Variants in UBXN7 observed in about 807,000 individuals in gnomAD.
UBXN7 encodes the protein UBX domain protein 7.
UBXN7 carries 9 observed loss-of-function variants against 58.0 expected under a neutral mutation model. The ratio of observed to expected loss-of-function variants is 0.16; its 90% CI spans 0.09 to 0.27. UBXN7 has a LOEUF of 0.27. Among genes scored for constraint, UBXN7 ranks in the 10% least tolerant of loss-of-function variants. The probability of loss-of-function intolerance (pLI) is 1.00; values close to 1 mark genes in which losing one functional copy is unlikely to be tolerated. For missense variants in UBXN7, 328 were observed against 599.6 expected (o/e 0.55, Z 4.73); for synonymous variants, 208 against 205.0 (o/e 1.01, Z -0.12).
chr3:196,423,437 G>A, intron 1 of UBXN7: 1 of 277,032 alleles, frequency 3.6e-6, no homozygotes, highest in Non-Finnish European at 7.5e-6. Flanking sequence ...CCAGATTGTG[G>A]CCTGGCCACT....
At chr3:196,419,473 A>C (rs1270697082) in intron 1 of UBXN7, among the ~76,000 whole-genome samples, 2 of 152,184 alleles carry the variant, frequency 1.3e-5, no homozygotes, top group Non-Finnish European at 1.5e-5. Flanking sequence ...CAGTGCTAGA[A>C]AGAAGCCCAT....
intron 1 of UBXN7, 187 bp downstream of exon 1, chr3:196,432,139 CG>C (rs769329669): frequency 8.9e-4 from 639 of 720,074 alleles, no homozygotes; most frequent in East Asian, 5.4e-3. Context: ...GTATCGGGAG[CG>C]GGGGGGGGCT....
intron 3 of UBXN7, among the ~76,000 whole-genome samples, chr3:196,402,493 T>C (rs1179721973): frequency 6.6e-6 from 1 of 152,204 alleles, no homozygotes; most frequent in Non-Finnish European, 1.5e-5. Flanking sequence ...TTAATCTGAT[T>C]AAATGTCCCA....
Position 196,369,447 on chromosome 3 carries a change from T to C in UBXN7, c.680A>G (p.Tyr227Cys), listed in dbSNP as rs1159761508. 2 of 1,613,374 alleles carry C rather than the reference T, an allele frequency of 1.2e-6. No individual in the cohort carries two copies. The highest frequency in any genetic ancestry group is 1.3e-5 in the African/African-American group (1 of 74,894). Residue 227 changes from tyrosine (Y) to cysteine (C), a missense_variant, in exon 7 of 11, where the codon TAT becomes TGT. By Grantham distance (194) the Tyr-to-Cys change is radical. Around this residue, in one of 4 missense-constraint regions of UBXN7, gnomAD observed 126 missense variants for 302.6 expected, o/e 0.42. Coordinates refer to ENST00000296328, the MANE Select transcript of UBXN7 (RefSeq NM_015562.2). ...TGTCCGTGGGTCCAATATGGAAACA[T>C]AGGGGAAATCCCCTAACTTATAAAA... Reference protein sequence around the residue: ...IQFYKLGDFPYVSILDPRTGQ... With the variant: ...IQFYKLGDFPCVSILDPRTGQ...
At position 196,350,763 on chromosome 3, in the gene UBXN7, T is replaced by C. The variant is rs1728190761; in HGVS notation, c.*5922A>G. ...CTCTATGTAACAGGAGAAACCGATA[T>C]ATTGGTATGGTATTCTCTGTTGGGT... On this transcript the variant is annotated 3_prime_UTR_variant, in exon 11 of 11. Coordinates refer to ENST00000296328, the MANE Select transcript of UBXN7 (RefSeq NM_015562.2). 1 of 152,154 alleles carries C rather than the reference T, an allele frequency of 6.6e-6. No individual in the cohort carries two copies. Among genetic ancestry groups the C allele is most frequent in the Admixed American group, 6.5e-5 (1 of 15,280 alleles). 9.4% of individuals were successfully genotyped at this position (152,154 alleles called of 1,614,324 possible).
chr3:196,422,260 G>A (rs1399608566), intron 1 of UBXN7, among the ~76,000 whole-genome samples: 1 of 151,942 alleles, frequency 6.6e-6, no homozygotes, highest in East Asian at 1.9e-4. Context: ...CAGCACTGTG[G>A]GAGACCAAGG....
intron 1 of UBXN7, chr3:196,423,252 T>A (rs1179890749): frequency 6.5e-6 from 1 of 153,370 alleles, no homozygotes; most frequent in East Asian, 1.9e-4. Flanking sequence ...TGGGCTAAAC[T>A]GGCAGGTCAC....
At chr3:196,366,901 G>C (rs1322398389) in intron 8 of UBXN7, among the ~76,000 whole-genome samples, 3 of 151,940 alleles carry the variant, frequency 2.0e-5, no homozygotes, top group Non-Finnish European at 4.4e-5. Context: ...GAAAAAAACA[G>C]GACGGGCGCG....
intron 1 of UBXN7, chr3:196,432,108 A>T: frequency 1.5e-6 from 1 of 676,300 alleles, no homozygotes; most frequent in Non-Finnish European, 2.6e-6. Context: ...CCTCCACGCT[A>T]CTAGGAGACA....
chr3:196,368,789 C>A (rs1728738622), intron 7 of UBXN7, among the ~76,000 whole-genome samples: 1 of 152,110 alleles, frequency 6.6e-6, no homozygotes, highest in East Asian at 1.9e-4. Flanking sequence ...AGTATCTGGG[C>A]AATCTTAATA....
intron 1 of UBXN7, among the ~76,000 whole-genome samples, chr3:196,411,180 G>A (rs1284254462): frequency 6.6e-6 from 1 of 152,154 alleles, no homozygotes; most frequent in Admixed American, 6.6e-5. Context: ...CAAAAGAATA[G>A]AAGGTTCTTG....
At chr3:196,431,869 C>T in intron 1 of UBXN7, 1 of 364,982 alleles carries the variant, frequency 2.7e-6, no homozygotes, top group Non-Finnish European at 5.5e-6. Context: ...AAGGGCAGGC[C>T]GGGGACCGGG....
At position 196,349,431 on chromosome 3, in the gene UBXN7, CAT is replaced by C. The variant is rs1423960795; in HGVS notation, c.*7252_*7253del. On this transcript the variant is annotated 3_prime_UTR_variant, in exon 11 of 11. Transcript: ENST00000296328. The stretch of plus-strand genomic sequence containing the variant: ...GTTATCAAAAAGTTATTGTTAAAAG[CAT>C]ATGATTAGTGTCATAAACATATTTA... The C allele has an allele frequency of 4.6e-5, 7 of 152,280 alleles. No individual in the cohort carries two copies. In the East Asian group the frequency reaches 1.2e-3, roughly 25 times the overall value. The allele number at this position is 152,280 out of a possible 1,614,324, so 9.4% of individuals were successfully genotyped here. A position where few individuals can be genotyped will look rare whatever the true frequency, so the allele number is the denominator to read the frequency against.
intron 5 of UBXN7, among the ~76,000 whole-genome samples, chr3:196,377,714 T>C (rs1413866474): frequency 6.6e-6 from 1 of 152,014 alleles, no homozygotes; most frequent in Non-Finnish European, 1.5e-5. Flanking sequence ...TTGCTCAGGG[T>C]GGAGGGCAAT....
intron 5 of UBXN7, among the ~76,000 whole-genome samples, chr3:196,390,501 G>A (rs904652290): frequency 2.0e-5 from 3 of 152,148 alleles, no homozygotes; most frequent in Admixed American, 2.0e-4. Context: ...CAGCACTGTG[G>A]GAGGCTGAGG....
At chr3:196,419,413 A>AT (rs1261988767) in intron 1 of UBXN7, among the ~76,000 whole-genome samples, 1 of 152,212 alleles carries the variant, frequency 6.6e-6, no homozygotes, top group African/African-American at 2.4e-5. Flanking sequence ...ACACATGCAG[A>AT]TTTTTTAAAA....
chr3:196,431,104 A>G (rs1022083517), intron 1 of UBXN7, among the ~76,000 whole-genome samples: 1 of 152,246 alleles, frequency 6.6e-6, no homozygotes, highest in African/African-American at 2.4e-5. Flanking sequence ...TACAACCTGT[A>G]GTAGTTAAAA....
chr3:196,388,300 G>T (rs990384705), intron 5 of UBXN7, among the ~76,000 whole-genome samples: 1 of 145,180 alleles, frequency 6.9e-6, no homozygotes, highest in East Asian at 2.0e-4. Context: ...TCGGGGGCTG[G>T]GGGGCTGGGG....
rs539226946 is a variant in UBXN7 at position 196,391,985 on chromosome 3, A to G, written c.356-60T>C. The G allele has an allele frequency of 2.8e-5, 22 of 798,646 alleles. No individual in the cohort carries two copies. The African/African-American group carries it at 2.8e-4, about 10-fold the overall frequency. 49.5% of individuals were successfully genotyped at this position (798,646 alleles called of 1,614,324 possible). A position where few individuals can be genotyped will look rare whatever the true frequency, so the allele number is the denominator to read the frequency against. ...ATAATCATGAATCACACTGAAAAAA[A>G]AAAAAAAAAAAACACAAACTTCTGT... On this transcript the variant is annotated intron_variant, in intron 4 of 10. Coordinates refer to ENST00000296328, the MANE Select transcript of UBXN7 (RefSeq NM_015562.2).
Sources: allele counts gnomAD v4.1 joint callset (sites outside exome capture counted in the v4.1 genomes callset), GRCh38; gene constraint gnomAD v4.1.1; regional missense constraint gnomAD v4.1.1; transcripts MANE v1.5; gene names NCBI Gene and HGNC (gene_info 2026-07-23, HGNC 2026-07-21).